Variants in DNAH11 observed in about 807,000 individuals in gnomAD.
The protein encoded by DNAH11 is axonemal beta dynein heavy chain 11.
DNAH11 carries 442 observed loss-of-function variants against 526.0 expected under a neutral mutation model. The observed-to-expected ratio is 0.84, with a 90% CI of 0.78 to 0.91. The LOEUF is 0.91. DNAH11 is among the 40% of genes least tolerant of loss of function. DNAH11 has a pLI of 0.00. For missense variants in DNAH11, 6,989 were observed against 5,448.7 expected (o/e 1.28, Z -8.90); for synonymous variants, 2,461 against 1,935.9 (o/e 1.27, Z -7.12).
rs1385058330 is a variant in DNAH11 at position 21,574,061 on chromosome 7, TG to T, written c.1593+2091del. On this transcript the variant is annotated intron_variant, in intron 8 of 81. Transcript: ENST00000409508. ...TCAGGTGTGCCCATAAAAATGGTTT[TG>T]GGTTTCTCAATTATTGAATGTTACT... Among the ~76,000 whole-genome samples, 7 of 152,336 alleles carry T rather than the reference TG, an allele frequency of 4.6e-5. No individual in the cohort carries two copies. The Middle Eastern group carries it at 0.01, about 222-fold the overall frequency.
intron 63 of DNAH11, among the ~76,000 whole-genome samples, chr7:21,809,100 G>A (rs2127996959): frequency 6.6e-6 from 1 of 152,196 alleles, no homozygotes; most frequent in African/African-American, 2.4e-5. Context: ...ATATCTCACT[G>A]TGGTTTGGAT....
At chr7:21,878,860 C>T (rs1783808743) in intron 74 of DNAH11, among the ~76,000 whole-genome samples, 1 of 152,054 alleles carries the variant, frequency 6.6e-6, no homozygotes, top group Non-Finnish European at 1.5e-5. Flanking sequence ...ATATATGGCC[C>T]AAGTTGTCAG....
chr7:21,866,481 C>T lies in DNAH11; in HGVS notation c.11508C>T (p.Val3836=), dbSNP rs199627577. 1.6e-4 allele frequency: 256 copies of T among 1,610,496 alleles called. No homozygotes were observed. The highest frequency in any genetic ancestry group is 2.1e-4 in the Non-Finnish European group (246 of 1,178,820). The change falls in exon 71 of 82, where the codon GTC becomes GTT. Residue 3836 remains valine, a synonymous_variant. Coordinates refer to ENST00000409508, the MANE Select transcript of DNAH11 (RefSeq NM_001277115.2). Reference sequence around the variant, plus strand: ...CTATCATATTACAGGCAATTGCCGTCATGGAAGAATTTCGAGGCATAGACC... The same window carrying T: ...CTATCATATTACAGGCAATTGCCGTTATGGAAGAATTTCGAGGCATAGACC... ...QSWSAIKAIA[V]MEEFRGIDRD...
chr7:21,612,579 G>T lies in DNAH11; in HGVS notation c.3853-2535G>T, dbSNP rs1038009244. 3.2e-5 allele frequency among the ~76,000 whole-genome samples: 4 copies of T among 124,618 alleles called. No individual in the cohort carries two copies. In the South Asian group the frequency reaches 1.1e-3, roughly 33 times the overall value. The allele number at this position is 124,618 out of a possible 152,430, so 81.8% of individuals were successfully genotyped here. A position where few individuals can be genotyped will look rare whatever the true frequency, so the allele number is the denominator to read the frequency against. ...CAAAAAAAAAAAAAAAAAAAAAAGAGACTAAGAAGCCCTGATGGCTTTACA... is the reference window on the plus strand; with the variant it reads ...CAAAAAAAAAAAAAAAAAAAAAAGATACTAAGAAGCCCTGATGGCTTTACA... On this transcript the variant is annotated intron_variant, in intron 20 of 81. Transcript: ENST00000409508.
intron 48 of DNAH11, among the ~76,000 whole-genome samples, chr7:21,741,536 C>T (rs921033633): frequency 6.6e-6 from 1 of 152,182 alleles, no homozygotes. Context: ...AGACTGAGCT[C>T]AGTGACTGCT....
intron 55 of DNAH11, among the ~76,000 whole-genome samples, chr7:21,769,148 C>G (rs1583675116): frequency 6.6e-6 from 1 of 152,136 alleles, no homozygotes; most frequent in Non-Finnish European, 1.5e-5. Context: ...AATATAAATG[C>G]AACCACATTT....
chr7:21,639,551 A>G (rs888047397), intron 28 of DNAH11, among the ~76,000 whole-genome samples: 4 of 152,122 alleles, frequency 2.6e-5, no homozygotes, highest in African/African-American at 9.7e-5. Flanking sequence ...TTAACCCTCT[A>G]ATTTTCCCCT....
At chr7:21,880,649 C>T (rs1783884743) in intron 74 of DNAH11, 53 bp from the exon 75 acceptor site, 2 of 1,595,904 alleles carry the variant, frequency 1.3e-6, no homozygotes, top group Admixed American at 3.4e-5. Flanking sequence ...CAGACCCTTG[C>T]TCTTGGAAAC....
Position 21,601,568 on chromosome 7 carries a change from T to A in DNAH11, c.3598T>A (p.Leu1200Met). Residue 1200 changes from leucine to methionine, a missense_variant, in exon 18 of 82, where the codon TTG (leucine) becomes ATG (methionine). Transcript: ENST00000409508. ...FEPLKETITL[L>M]ESYGQKMPEQ... Reference sequence around the variant, plus strand: ...ACCTCTAAAAGAAACGATCACCCTCTTGGAAAGCTATGGCCAGAAGATGCC... The same window carrying A: ...ACCTCTAAAAGAAACGATCACCCTCATGGAAAGCTATGGCCAGAAGATGCC... The A allele has an allele frequency of 6.2e-7, 1 of 1,608,836 alleles. No individual in the cohort carries two copies. Among genetic ancestry groups the A allele is most frequent in the Non-Finnish European group, 8.5e-7 (1 of 1,176,018 alleles).
intron 61 of DNAH11, among the ~76,000 whole-genome samples, chr7:21,794,312 T>C (rs1396392213): frequency 6.6e-6 from 1 of 152,230 alleles, no homozygotes; most frequent in Non-Finnish European, 1.5e-5. Flanking sequence ...CTCTTGTGGA[T>C]ATACTTCTAT....
intron 14 of DNAH11, among the ~76,000 whole-genome samples, 170 bp from the exon 15 acceptor site, chr7:21,599,617 T>A (rs1784994239): frequency 6.6e-6 from 1 of 152,266 alleles, no homozygotes; most frequent in African/African-American, 2.4e-5. Context: ...TCTAAATTCC[T>A]GCTTAGATCT....
chr7:21,881,340 T>C (rs1397353573), intron 75 of DNAH11, among the ~76,000 whole-genome samples: 1 of 152,360 alleles, frequency 6.6e-6, no homozygotes, highest in East Asian at 1.9e-4. Context: ...TAATGGTGCA[T>C]TTCCTGCATA....
At position 21,620,052 on chromosome 7, in the gene DNAH11, CT is replaced by C; in HGVS notation, c.4479del (p.Phe1493LeufsTer4). On this transcript the variant is annotated frameshift_variant, in exon 25 of 82. Transcript: ENST00000409508. LOFTEE classifies it high-confidence loss of function. ...TCCATTACTAAAGTCTGATGAACAACTTTTTGAAACTCTAGAGCACAACCAA... is the reference window on the plus strand; with the variant it reads ...TCCATTACTAAAGTCTGATGAACAACTTTTGAAACTCTAGAGCACAACCAA... The part of the protein sequence containing the change: ...GIPLLKSDEQ[L>X]FETLEHNQVQ... 1.2e-6 allele frequency: 2 copies of C among 1,600,296 alleles called. No individual in the cohort carries two copies. The highest frequency in any genetic ancestry group is 1.7e-5 in the Admixed American group (1 of 57,196).
chr7:21,781,154 T>G (rs1429891642), intron 57 of DNAH11, among the ~76,000 whole-genome samples: 1 of 152,228 alleles, frequency 6.6e-6, no homozygotes, highest in African/African-American at 2.4e-5. Flanking sequence ...GGGGTGAATA[T>G]GGACTGTTTC....
chr7:21,681,463 C>G (rs762300984), intron 30 of DNAH11, 83 bp from the exon 31 acceptor site: 9 of 1,411,076 alleles, frequency 6.4e-6, no homozygotes, highest in South Asian at 2.6e-5. Flanking sequence ...ACTAAATCAG[C>G]CTTTACAAAT....
At chr7:21,690,466 C>T (rs1783568698) in intron 34 of DNAH11, among the ~76,000 whole-genome samples, 1 of 152,150 alleles carries the variant, frequency 6.6e-6, no homozygotes, top group African/African-American at 2.4e-5. Flanking sequence ...GCCATCACCT[C>T]CTTCCATTAA....
chr7:21,763,033 G>A (rs551793271), intron 54 of DNAH11, among the ~76,000 whole-genome samples: 15 of 152,190 alleles, frequency 9.9e-5, no homozygotes, highest in African/African-American at 3.1e-4. Flanking sequence ...AAGGACTTAC[G>A]TAGACATTTC....
rs1455572474 is a variant in DNAH11 at position 21,658,922 on chromosome 7, A to G, written c.5219A>G (p.Gln1740Arg). The change falls in exon 30 of 82, where the codon CAG becomes CGG. Residue 1740 changes from glutamine (Q) to arginine (R), a missense_variant. Coordinates refer to ENST00000409508, the MANE Select transcript of DNAH11 (RefSeq NM_001277115.2). ...RELWIFDFPA[Q>R]VALTSSQIWW... Reference sequence around the variant, plus strand: ...CTGTGGATTTTTGATTTCCCAGCTCAGGTTGCACTAACCAGCTCACAAATA... The same window carrying G: ...CTGTGGATTTTTGATTTCCCAGCTCGGGTTGCACTAACCAGCTCACAAATA... The G allele has an allele frequency of 6.2e-7, 1 of 1,610,506 alleles. No homozygotes were observed.
intron 35 of DNAH11, among the ~76,000 whole-genome samples, chr7:21,697,701 C>G (rs1184035398): frequency 6.6e-6 from 1 of 152,184 alleles, no homozygotes; most frequent in Non-Finnish European, 1.5e-5. Flanking sequence ...ATTTTCTAGA[C>G]AGCCGGTTGT....
Sources: allele counts gnomAD v4.1 joint callset (sites outside exome capture counted in the v4.1 genomes callset), GRCh38; gene constraint gnomAD v4.1.1; transcripts MANE v1.5; gene names NCBI Gene and HGNC (gene_info 2026-07-23, HGNC 2026-07-21).